ACACA: variants seen among roughly 807,000 people sequenced by gnomAD.
ACACA encodes acetyl-CoA carboxylase 1.
A neutral mutation model predicts 296.1 loss-of-function variants in ACACA; 103 were observed. That is an observed-to-expected ratio of 0.35 (90% CI 0.30 to 0.41). The LOEUF is 0.41. Ranked by LOEUF, ACACA falls within the 10% of genes least tolerant of loss-of-function variation. The pLI is 1.00. For missense variants in ACACA, 1,554 were observed against 2,989.7 expected (o/e 0.52, Z 11.20); for synonymous variants, 953 against 1,038.6 (o/e 0.92, Z 1.58).
intron 25 of ACACA, among the ~76,000 whole-genome samples, chr17:37,230,110 T>A (rs2145787014): frequency 6.7e-6 from 1 of 149,110 alleles, no homozygotes; most frequent in East Asian, 2.0e-4. Flanking sequence ...TAAGGCCGGG[T>A]GCGGTGGCTC....
At chr17:37,403,989 T>C (rs1396069599) in intron 1 of ACACA, among the ~76,000 whole-genome samples, 2 of 152,152 alleles carry the variant, frequency 1.3e-5, no homozygotes, top group Admixed American at 6.6e-5. Flanking sequence ...CCCAGGCTGA[T>C]CTTGAACTAC....
chr17:37,093,258 A>C lies in ACACA; in HGVS notation c.6891+3738T>G, dbSNP rs776483009. On this transcript the variant is annotated intron_variant, in intron 54 of 55. Coordinates refer to ENST00000616317, the MANE Select transcript of ACACA (RefSeq NM_198834.3). ...CACTTGGAAATCCAGAATAAGAGCG[A>C]GTGGGTAGCTGTGTGAACAATAAGA... Among the ~76,000 whole-genome samples the C allele has an allele frequency of 8.4e-4, 128 of 152,264 alleles. 1 individual carries two copies. Among genetic ancestry groups the C allele is most frequent in the Non-Finnish European group, 1.7e-3 (114 of 68,028 alleles).
At chr17:37,149,782 T>C (rs1352974769) in intron 45 of ACACA, 82 bp downstream of exon 45, 1 of 1,276,530 alleles carries the variant, frequency 7.8e-7, no homozygotes, top group Non-Finnish European at 1.1e-6. Flanking sequence ...ACTGCTTCCT[T>C]CCAATCAGGA....
At chr17:37,393,820 A>C (rs953483622) in intron 1 of ACACA, among the ~76,000 whole-genome samples, 1 of 110,694 alleles carries the variant, frequency 9.0e-6, no homozygotes, top group African/African-American at 3.1e-5. Flanking sequence ...TGTCTCAAAG[A>C]AAAAAAAAAA....
At chr17:37,350,359 A>G (rs959454829) in intron 1 of ACACA, among the ~76,000 whole-genome samples, 2 of 150,792 alleles carry the variant, frequency 1.3e-5, no homozygotes, top group East Asian at 3.9e-4. Context: ...AAAAAAAAAA[A>G]CCCAGAAAAA....
chr17:37,152,769 G>C (rs2076094922), intron 43 of ACACA, among the ~76,000 whole-genome samples: 1 of 152,186 alleles, frequency 6.6e-6, no homozygotes, highest in Non-Finnish European at 1.5e-5. Context: ...GTACCCAGAA[G>C]GCTTGGCAGT....
chr17:37,247,270 T>A (rs1321199539), intron 18 of ACACA, among the ~76,000 whole-genome samples: 1 of 152,214 alleles, frequency 6.6e-6, no homozygotes, highest in Non-Finnish European at 1.5e-5. Context: ...TAGCTAACAT[T>A]TCTTGAAGCC....
intron 9 of ACACA, among the ~76,000 whole-genome samples, chr17:37,272,724 C>CA (rs1025183680): frequency 6.6e-6 from 1 of 151,200 alleles, no homozygotes; most frequent in Non-Finnish European, 1.5e-5. Context: ...GGTAGAAGGA[C>CA]AAAAAAATAT....
At chr17:37,156,322 C>T (rs1174573658) in intron 42 of ACACA, among the ~76,000 whole-genome samples, 2 of 152,156 alleles carry the variant, frequency 1.3e-5, no homozygotes, top group African/African-American at 4.8e-5. Context: ...CTCGGCCTCC[C>T]AAAGTGCTGG....
Position 37,193,402 on chromosome 17 carries a change from T to A in ACACA, c.4172A>T (p.Lys1391Ile), listed in dbSNP as rs2077845163. The A allele has an allele frequency of 1.2e-6, 2 of 1,602,468 alleles. No individual in the cohort carries two copies. The highest frequency in any genetic ancestry group is 1.7e-6 in the Non-Finnish European group (2 of 1,169,830). The change falls in exon 36 of 56, where the codon AAA becomes ATA. Residue 1391 changes from lysine to isoleucine, a missense_variant. By Grantham distance (102) the Lys-to-Ile change is moderately radical. Transcript: ENST00000616317. ...VDRRFHREFPKFFTFRARDKF... is the reference protein window; with the variant it reads ...VDRRFHREFPIFFTFRARDKF... ...ATCCCTTGCTCGGAATGTAAAAAAT[T>A]TAGGGAATTCTCTCTGTATTAAAGA...
At chr17:37,394,876 G>A (rs910813749) in intron 1 of ACACA, among the ~76,000 whole-genome samples, 10 of 150,886 alleles carry the variant, frequency 6.6e-5, no homozygotes, top group Middle Eastern at 3.5e-3. Flanking sequence ...GCGACACAGC[G>A]AGACTCTGTC....
In ACACA at chr17:37,181,900, CAAAAAAAAAA is replaced by C. The variant is rs61045031; in HGVS notation, c.4777-554_4777-545del. Among the ~76,000 whole-genome samples the C allele has an allele frequency of 2.8e-3, 62 of 22,236 alleles. 1 individual carries two copies. The highest frequency in any genetic ancestry group is 5.0e-3 in the African/African-American group (37 of 7,332). 14.6% of individuals were successfully genotyped at this position (22,236 alleles called of 152,430 possible). A position where few individuals can be genotyped will look rare whatever the true frequency, so the allele number is the denominator to read the frequency against. On this transcript the variant is annotated intron_variant, in intron 39 of 55. Transcript: ENST00000616317. ...GGGCAACAGAGCAAGACTCTGTATC[CAAAAAAAAAA>C]AAAAAAAAAAAAAAAAAAGGAAATA...
rs1320570490 is a variant in ACACA at position 37,240,560 on chromosome 17, G to A, written c.3037C>T (p.Arg1013Ter). The part of the protein sequence containing the change: ...QSIVQLVQRY[R>*]SGIRGHMKAV... ...TTCATGTGGCCTCGGATGCCACTTC[G>A]GTACCTAGGCAAATAGAAAGTCTCC... The change falls in exon 24 of 56, where the codon CGA becomes TGA. Residue 1013 changes from arginine (R) to a stop codon, truncating the protein, a stop_gained. Coordinates refer to ENST00000616317, the MANE Select transcript of ACACA (RefSeq NM_198834.3). LOFTEE classifies it high-confidence loss of function. 6.2e-7 allele frequency: 1 copy of A among 1,611,866 alleles called. No homozygotes were observed. The highest frequency in any genetic ancestry group is 8.5e-7 in the Non-Finnish European group (1 of 1,179,716).
chr17:37,216,189 C>CATGTGTGTGTGT (rs559609131), intron 29 of ACACA, among the ~76,000 whole-genome samples: 1 of 141,316 alleles, frequency 7.1e-6, no homozygotes, highest in Admixed American at 6.8e-5. Context: ...CATACACACA[C>CATGTGTGTGTGT]GTGTGTGTGT....
intron 47 of ACACA, 120 bp from the exon 48 acceptor site, chr17:37,125,914 C>A: frequency 2.4e-6 from 2 of 838,456 alleles, no homozygotes; most frequent in South Asian, 1.4e-5. Flanking sequence ...TGTTTTTAAC[C>A]AAATTATAAT....
At chr17:37,167,693 T>G (rs1220792412) in intron 41 of ACACA, among the ~76,000 whole-genome samples, 5 of 119,286 alleles carry the variant, frequency 4.2e-5, no homozygotes, top group Admixed American at 8.5e-5. Flanking sequence ...GTACAAAAAC[T>G]GGCAAAAAAA....
At chr17:37,160,890 G>A (rs1359721618) in intron 42 of ACACA, among the ~76,000 whole-genome samples, 2 of 152,046 alleles carry the variant, frequency 1.3e-5, no homozygotes, top group African/African-American at 4.8e-5. Flanking sequence ...AAGGATTGTT[G>A]GACTAGAGAG....
chr17:37,164,538 CTCTA>C (rs1441780188), intron 41 of ACACA, among the ~76,000 whole-genome samples: 3 of 152,118 alleles, frequency 2.0e-5, no homozygotes, highest in African/African-American at 7.2e-5. Flanking sequence ...TAAGGTATTA[CTCTA>C]TCTACTCATT....
chr17:37,360,921 C>T (rs950363857), intron 1 of ACACA, among the ~76,000 whole-genome samples: 6 of 152,082 alleles, frequency 3.9e-5, no homozygotes, highest in Non-Finnish European at 7.4e-5. Flanking sequence ...TAACAGCAGT[C>T]TCTGAAGCTG....
Sources: gnomAD v4.1 joint callset for allele counts (sites outside exome capture counted in the v4.1 genomes callset) on GRCh38, gnomAD v4.1.1 for gene constraint, MANE v1.5 for transcripts, NCBI Gene and HGNC (gene_info 2026-07-23, HGNC 2026-07-21) for gene names.